The following SEMA3F variants were observed in gnomAD, a reference collection of about 807,000 sequenced individuals.
SEMA3F encodes the protein semaphorin 3F, also known as semaphorin-3F.
In SEMA3F, 30 loss-of-function variants were observed where a neutral mutation model predicts 98.5. The observed-to-expected ratio is 0.30, with a 90% CI of 0.23 to 0.41. SEMA3F has a LOEUF of 0.41. Among genes scored for constraint, SEMA3F ranks in the 10% least tolerant of loss-of-function variants. The probability of loss-of-function intolerance (pLI) is 1.00; values close to 1 mark genes in which losing one functional copy is unlikely to be tolerated. For synonymous variants in SEMA3F, 380 were observed against 444.8 expected (o/e 0.85, Z 1.83); for missense variants, 866 against 1,119.3 (o/e 0.77, Z 3.23).
intron 11 of SEMA3F, 65 bp from the exon 12 acceptor site, chr3:50,183,355 G>A: frequency 1.2e-6 from 2 of 1,604,702 alleles, no homozygotes; most frequent in South Asian, 2.2e-5. Flanking sequence ...TGGGGAGGGG[G>A]CAGTTTGGGG....
chr3:50,186,179 C>A, intron 16 of SEMA3F, 102 bp from the exon 17 acceptor site: 1 of 1,472,942 alleles, frequency 6.8e-7, no homozygotes, highest in Non-Finnish European at 9.3e-7. Context: ...TAAGACATCA[C>A]TGCCCTGGGG....
At chr3:50,170,766 C>T (rs1233788720) in intron 2 of SEMA3F, among the ~76,000 whole-genome samples, 1 of 152,146 alleles carries the variant, frequency 6.6e-6, no homozygotes, top group Non-Finnish European at 1.5e-5. Context: ...CCCACCCCTT[C>T]CCCACCATGC....
At chr3:50,157,586 CCTT>C (rs1171165741) in intron 1 of SEMA3F, among the ~76,000 whole-genome samples, 4 of 152,096 alleles carry the variant, frequency 2.6e-5, no homozygotes, top group Admixed American at 6.6e-5. Flanking sequence ...CCCTCTCTGT[CCTT>C]CTTCTCCTTT....
intron 2 of SEMA3F, among the ~76,000 whole-genome samples, chr3:50,169,029 G>A (rs562021775): frequency 6.6e-6 from 1 of 152,324 alleles, no homozygotes; most frequent in East Asian, 1.9e-4. Flanking sequence ...CACTGCTGGG[G>A]GAGGTGACGC....
rs758053222 is a variant in SEMA3F at position 50,173,929 on chromosome 3, C to G, written c.249C>G (p.His83Gln). Residue 83 changes from histidine to glutamine, a missense_variant, in exon 3 of 19, where the codon CAC (histidine) becomes CAG (glutamine). Physicochemically the swap from His to Gln is conservative, Grantham distance 24. Coordinates refer to ENST00000002829, the MANE Select transcript of SEMA3F (RefSeq NM_004186.5). ...SKDYVLSLDL[H>Q]DINREPLIIH... Reference sequence around the variant, plus strand: ...ACTACGTGCTGTCCCTGGACCTGCACGACATCAACCGCGAGCCCCTCATTG... The same window carrying G: ...ACTACGTGCTGTCCCTGGACCTGCAGGACATCAACCGCGAGCCCCTCATTG... 6.2e-7 allele frequency: 1 copy of G among 1,614,114 alleles called. No individual in the cohort carries two copies. Among genetic ancestry groups the G allele is most frequent in the Non-Finnish European group, 8.5e-7 (1 of 1,180,032 alleles).
At chr3:50,177,673 A>G (rs1008668326) in intron 7 of SEMA3F, among the ~76,000 whole-genome samples, 2 of 152,214 alleles carry the variant, frequency 1.3e-5, no homozygotes, top group Non-Finnish European at 2.9e-5. Flanking sequence ...GTTAGAGGCA[A>G]GTACATTATT....
chr3:50,184,894 C>T, intron 13 of SEMA3F, 80 bp downstream of exon 13: 1 of 1,050,138 alleles, frequency 9.5e-7, no homozygotes, highest in Non-Finnish European at 1.4e-6. Context: ...GGGGCTTGCC[C>T]TGCTAGGGCT....
In SEMA3F at chr3:50,181,308, G is replaced by GT. The variant is rs939566386; in HGVS notation, c.644-964dup. Among the ~76,000 whole-genome samples the GT allele has an allele frequency of 3.9e-3, 558 of 143,994 alleles. 3 individuals are homozygous for GT. Among genetic ancestry groups the GT allele is most frequent in the East Asian group, 5.0e-3 (25 of 4,974 alleles). 94.5% of individuals were successfully genotyped at this position (143,994 alleles called of 152,430 possible). A position where few individuals can be genotyped will look rare whatever the true frequency, so the allele number is the denominator to read the frequency against. ...CTATGCTCTTTTTTTGTTTTTTTGTGTTTTTTTTTTTTATTTTTGTTCCTG... is the reference window on the plus strand; with the variant it reads ...CTATGCTCTTTTTTTGTTTTTTTGTGTTTTTTTTTTTTTATTTTTGTTCCTG... On this transcript the variant is annotated intron_variant, in intron 7 of 18. Transcript: ENST00000002829.
rs1454543893 is a variant in SEMA3F at position 50,184,471 on chromosome 3, T to A, written c.1234-121T>A. 3 of 711,590 alleles carry A rather than the reference T, an allele frequency of 4.2e-6. No homozygotes were observed. The African/African-American group carries it at 5.2e-5, about 12-fold the overall frequency. 44.1% of individuals were successfully genotyped at this position (711,590 alleles called of 1,614,324 possible). On this transcript the variant is annotated intron_variant, in intron 12 of 18. Transcript: ENST00000002829. ...CAGGGCAGAAACTTGGAGAGCGGGT[T>A]TGGGGAGAGGAGCAGGTTGAGGTAG...
chr3:50,162,761 C>T (rs1312210644), intron 2 of SEMA3F, among the ~76,000 whole-genome samples: 1 of 152,148 alleles, frequency 6.6e-6, no homozygotes, highest in Non-Finnish European at 1.5e-5. Flanking sequence ...TGGGTTTGGC[C>T]AGGGATTGGG....
chr3:50,184,477 A>G, intron 12 of SEMA3F, 115 bp from the exon 13 acceptor site: 1 of 729,622 alleles, frequency 1.4e-6, no homozygotes, highest in Non-Finnish European at 2.3e-6. Flanking sequence ...GGGTTTGGGG[A>G]GAGGAGCAGG....
intron 7 of SEMA3F, 58 bp downstream of exon 7, chr3:50,176,919 T>C (rs1698838455): frequency 7.3e-7 from 1 of 1,364,840 alleles, no homozygotes; most frequent in Non-Finnish European, 1.0e-6. Context: ...CCCCTGGAGA[T>C]GGGGCATGGC....
intron 7 of SEMA3F, among the ~76,000 whole-genome samples, chr3:50,177,851 G>A (rs1559731681): frequency 1.3e-5 from 2 of 152,068 alleles, no homozygotes; most frequent in Admixed American, 6.5e-5. Context: ...GTGAAACCCT[G>A]TCTCTACTAA....
intron 2 of SEMA3F, among the ~76,000 whole-genome samples, chr3:50,161,226 A>C (rs138689006): frequency 6.6e-6 from 1 of 152,144 alleles, no homozygotes. Context: ...GTCATCATGC[A>C]TGCAAGTAAG....
At chr3:50,165,693 C>T (rs1698378803) in intron 2 of SEMA3F, among the ~76,000 whole-genome samples, 2 of 152,238 alleles carry the variant, frequency 1.3e-5, no homozygotes, top group Admixed American at 6.5e-5. Flanking sequence ...AGCAAGAGGG[C>T]CTTTGCCAGA....
At chr3:50,170,303 G>A (rs1698555482) in intron 2 of SEMA3F, among the ~76,000 whole-genome samples, 1 of 152,080 alleles carries the variant, frequency 6.6e-6, no homozygotes. Flanking sequence ...TGGGGATGGG[G>A]TAAGGACACA....
In SEMA3F at chr3:50,183,191, G is replaced by T. The variant is rs571093852; in HGVS notation, c.1024G>T (p.Val342Leu). The change falls in exon 11 of 19, where the codon GTG (valine) becomes TTG (leucine). Residue 342 changes from valine to leucine, a missense_variant. Coordinates refer to ENST00000002829, the MANE Select transcript of SEMA3F (RefSeq NM_004186.5). ...CCTTCTCCCTCTGTCCCCAGAGGAC[G>T]TGTTTGTCCAGCAGACCCAGGACGT... ...IETHFDELQD[V>L]FVQQTQDVRN... 1 of 1,614,092 alleles carries T rather than the reference G, an allele frequency of 6.2e-7. No homozygotes were observed. Among genetic ancestry groups the T allele is most frequent in the East Asian group, 2.2e-5 (1 of 44,880 alleles).
intron 13 of SEMA3F, 92 bp from the exon 14 acceptor site, chr3:50,185,351 G>A: frequency 8.3e-7 from 1 of 1,198,036 alleles, no homozygotes; most frequent in South Asian, 1.4e-5. Context: ...ATGCCCTAGG[G>A]GGGTTTGGGC....
At chr3:50,175,886 G>A (rs1332110061) in intron 6 of SEMA3F, among the ~76,000 whole-genome samples, 1 of 152,156 alleles carries the variant, frequency 6.6e-6, no homozygotes, top group East Asian at 1.9e-4. Context: ...ACCCTTGTGT[G>A]TGCAGGAAGT....
Sources: gnomAD v4.1 joint callset for allele counts (sites outside exome capture counted in the v4.1 genomes callset) on GRCh38, gnomAD v4.1.1 for gene constraint, MANE v1.5 for transcripts, NCBI Gene and HGNC (gene_info 2026-07-23, HGNC 2026-07-21) for gene names.